SLC24A3: variants seen among roughly 807,000 people sequenced by gnomAD.
SLC24A3 encodes the protein sodium/potassium/calcium exchanger 3.
SLC24A3 carries 28 observed loss-of-function variants against 75.8 expected under a neutral mutation model. The observed-to-expected ratio is 0.37, with a 90% CI of 0.27 to 0.51. The LOEUF (loss-of-function observed/expected upper bound fraction) is 0.51, where lower values mean the gene tolerates loss of function less well. Among genes scored for constraint, SLC24A3 ranks in the 20% least tolerant of loss-of-function variants. The pLI is 0.94. For missense variants in SLC24A3, 663 were observed against 847.8 expected (o/e 0.78, Z 2.71); for synonymous variants, 372 against 334.1 (o/e 1.11, Z -1.24).
chr20:19,465,993 C>G (rs923057875), intron 2 of SLC24A3, among the ~76,000 whole-genome samples: 1 of 152,180 alleles, frequency 6.6e-6, no homozygotes, highest in African/African-American at 2.4e-5. Flanking sequence ...TAGTCATTCT[C>G]CTTGTCTCCC....
chr20:19,578,998 G>C (rs539477621), intron 3 of SLC24A3, among the ~76,000 whole-genome samples: 9 of 152,094 alleles, frequency 5.9e-5, no homozygotes, highest in Non-Finnish European at 8.8e-5. Flanking sequence ...GCTCCCTTTG[G>C]CAAAAAGTAA....
At chr20:19,433,205 T>G (rs1285204109) in intron 2 of SLC24A3, among the ~76,000 whole-genome samples, 1 of 152,180 alleles carries the variant, frequency 6.6e-6, no homozygotes, top group African/African-American at 2.4e-5. Flanking sequence ...TGTTACTTAT[T>G]AATAGACTAA....
chr20:19,310,929 T>G (rs1200837019), intron 2 of SLC24A3, among the ~76,000 whole-genome samples: 1 of 152,230 alleles, frequency 6.6e-6, no homozygotes, highest in Non-Finnish European at 1.5e-5. Context: ...TTATTTGCTT[T>G]GCTGGAGTCT....
chr20:19,642,939 C>T (rs1034327762), intron 6 of SLC24A3, among the ~76,000 whole-genome samples: 2 of 152,130 alleles, frequency 1.3e-5, no homozygotes, highest in African/African-American at 4.8e-5. Context: ...AAATATCTTC[C>T]AAGCACACAT....
chr20:19,413,643 T>C (rs1046526589), intron 2 of SLC24A3, among the ~76,000 whole-genome samples: 1 of 152,214 alleles, frequency 6.6e-6, no homozygotes, highest in Non-Finnish European at 1.5e-5. Context: ...AGCAGACTGA[T>C]GATTACATTT....
At chr20:19,275,611 C>T (rs182840477) in intron 1 of SLC24A3, among the ~76,000 whole-genome samples, 2 of 152,216 alleles carry the variant, frequency 1.3e-5, no homozygotes, top group East Asian at 3.9e-4. Context: ...GTCAGAAATC[C>T]TTGGGCTCTC....
At position 19,435,817 on chromosome 20, in the gene SLC24A3, GAA is replaced by G. The variant is rs543084145; in HGVS notation, c.272-79668_272-79667del. The stretch of plus-strand genomic sequence containing the variant: ...GGTTATAGGAGAAACATAGAACAGA[GAA>G]AAGTCTGCCCTGCTGACTTGCCTAC... On this transcript the variant is annotated intron_variant, in intron 2 of 16. Coordinates refer to ENST00000328041, the MANE Select transcript of SLC24A3 (RefSeq NM_020689.4). Among the ~76,000 whole-genome samples the G allele has an allele frequency of 5.3e-3, 802 of 152,274 alleles. 4 individuals are homozygous for G. Among genetic ancestry groups the G allele is most frequent in the African/African-American group, 0.019 (769 of 41,542 alleles).
intron 7 of SLC24A3, among the ~76,000 whole-genome samples, chr20:19,660,284 C>T (rs984858709): frequency 4.0e-5 from 6 of 151,358 alleles, no homozygotes; most frequent in African/African-American, 1.2e-4. Context: ...CCTTGCCCCT[C>T]CTCCCACCCC....
At chr20:19,720,232 G>T (rs796785269) in intron 16 of SLC24A3, among the ~76,000 whole-genome samples, 5 of 152,356 alleles carry the variant, frequency 3.3e-5, no homozygotes, top group African/African-American at 1.2e-4. Flanking sequence ...TTAAATTTGG[G>T]TAGCACATAG....
intron 4 of SLC24A3, among the ~76,000 whole-genome samples, chr20:19,582,437 A>T (rs1190550119): frequency 6.6e-6 from 1 of 152,264 alleles, no homozygotes; most frequent in Non-Finnish European, 1.5e-5. Context: ...GTCAGGGCAG[A>T]TTCTCGCTCA....
At chr20:19,703,065 G>A (rs562492327) in intron 15 of SLC24A3, among the ~76,000 whole-genome samples, 5 of 152,248 alleles carry the variant, frequency 3.3e-5, no homozygotes, top group East Asian at 1.9e-4. Context: ...GAACTGAATC[G>A]GGGAGTGAGG....
chr20:19,678,711 T>C (rs1412549157), intron 9 of SLC24A3, among the ~76,000 whole-genome samples: 2 of 117,350 alleles, frequency 1.7e-5, no homozygotes, highest in Non-Finnish European at 3.5e-5. Context: ...CCAGACGGGG[T>C]GGCTGCCGGG....
At chr20:19,678,164 C>G (rs1441438194) in intron 9 of SLC24A3, among the ~76,000 whole-genome samples, 3 of 150,692 alleles carry the variant, frequency 2.0e-5, no homozygotes, top group African/African-American at 4.9e-5. Flanking sequence ...ACCTTTCCCC[C>G]CTTTCTATTC....
At chr20:19,455,898 G>A (rs1218565621) in intron 2 of SLC24A3, among the ~76,000 whole-genome samples, 2 of 152,180 alleles carry the variant, frequency 1.3e-5, no homozygotes, top group Non-Finnish European at 2.9e-5. Context: ...ATATATAATT[G>A]GTTCCTTAAG....
At chr20:19,520,661 A>C (rs2030081956) in intron 3 of SLC24A3, among the ~76,000 whole-genome samples, 1 of 151,616 alleles carries the variant, frequency 6.6e-6, no homozygotes, top group Non-Finnish European at 1.5e-5. Flanking sequence ...CATTAACATC[A>C]CTCCTTTTGG....
intron 15 of SLC24A3, among the ~76,000 whole-genome samples, chr20:19,706,843 G>T (rs1313600501): frequency 1.3e-5 from 2 of 152,144 alleles, no homozygotes; most frequent in African/African-American, 4.8e-5. Context: ...AGAGAATAGG[G>T]TGATTGGATT....
intron 1 of SLC24A3, chr20:19,265,602 G>A (rs1983143700): frequency 6.6e-6 from 1 of 152,212 alleles, no homozygotes; most frequent in Admixed American, 6.5e-5. Flanking sequence ...ATCTGGCTCA[G>A]GCTAAAAAGG....
At chr20:19,392,283 A>G (rs532484595) in intron 2 of SLC24A3, among the ~76,000 whole-genome samples, 1 of 152,284 alleles carries the variant, frequency 6.6e-6, no homozygotes, top group East Asian at 1.9e-4. Flanking sequence ...GGTGGGCAGA[A>G]GGGTGGTCAC....
At chr20:19,560,855 T>A (rs2030864012) in intron 3 of SLC24A3, among the ~76,000 whole-genome samples, 2 of 152,204 alleles carry the variant, frequency 1.3e-5, no homozygotes, top group South Asian at 4.1e-4. Flanking sequence ...TAATTCTTTG[T>A]CAGTCCTTAA....
Sources: gnomAD v4.1 joint callset for allele counts (sites outside exome capture counted in the v4.1 genomes callset) on GRCh38, gnomAD v4.1.1 for gene constraint, MANE v1.5 for transcripts, NCBI Gene and HGNC (gene_info 2026-07-23, HGNC 2026-07-21) for gene names.